CDH4: variants seen among roughly 807,000 people sequenced by gnomAD.
CDH4 encodes cadherin-4.
Under a neutral mutation model 86.0 loss-of-function variants are expected in CDH4, and 33 were observed. That is an observed-to-expected ratio of 0.38 (90% CI 0.29 to 0.51). CDH4 has a LOEUF of 0.51. Ranked by LOEUF, CDH4 falls within the 20% of genes least tolerant of loss-of-function variation. CDH4 has a pLI of 0.86. For synonymous variants in CDH4, 555 were observed against 549.4 expected, an observed-to-expected ratio of 1.01 and a Z score of -0.14; for missense variants, 1,114 against 1,307.4, an observed-to-expected ratio of 0.85 and a Z score of 2.28.
intron 2 of CDH4, among the ~76,000 whole-genome samples, chr20:61,272,840 G>A (rs2084190534): frequency 6.7e-6 from 1 of 149,894 alleles, no homozygotes; most frequent in South Asian, 2.1e-4. Flanking sequence ...CAGTTTGGGG[G>A]AGCACCATAC....
rs562395727 is a variant in CDH4, at chr20:61,517,414, C to T, written c.170-226149C>T. Among the ~76,000 whole-genome samples, 3 of 152,304 alleles carry T rather than the reference C, an allele frequency of 2.0e-5. No individual in the cohort carries two copies. The South Asian group carries it at 6.2e-4, about 32-fold the overall frequency. The stretch of plus-strand genomic sequence containing the variant: ...CTCGCCGTGTTTCCCAGGCTGGTCT[C>T]AAGTGCCTGGCCTCAAGCAATCCTC... On this transcript the variant is annotated intron_variant, in intron 2 of 15. Coordinates refer to ENST00000614565, the MANE Select transcript of CDH4 (RefSeq NM_001794.5). The surrounding 1 kb of genome is among the most constrained non-coding windows in gnomAD (Gnocchi z 6.6).
At chr20:61,753,801 C>G (rs1275090514) in intron 3 of CDH4, among the ~76,000 whole-genome samples, 1 of 152,224 alleles carries the variant, frequency 6.6e-6, no homozygotes, top group Non-Finnish European at 1.5e-5. Context: ...CGGGTCCAGG[C>G]GCTGACCTGT....
intron 2 of CDH4, among the ~76,000 whole-genome samples, chr20:61,310,633 C>T (rs1360494064): frequency 1.3e-5 from 2 of 152,172 alleles, no homozygotes; most frequent in African/African-American, 4.8e-5. Flanking sequence ...CATGCACTGC[C>T]ATGGGTCTGC....
At chr20:61,415,171 C>T (rs902252449) in intron 2 of CDH4, among the ~76,000 whole-genome samples, 10 of 152,172 alleles carry the variant, frequency 6.6e-5, no homozygotes, top group Non-Finnish European at 1.0e-4. Context: ...CTTTGGGAGA[C>T]GTTGGGGACT....
chr20:61,368,208 A>C (rs888799178), intron 2 of CDH4, among the ~76,000 whole-genome samples: 1 of 152,134 alleles, frequency 6.6e-6, no homozygotes, highest in African/African-American at 2.4e-5. Flanking sequence ...AAAAATAAAT[A>C]GTAACTTCCC....
intron 2 of CDH4, among the ~76,000 whole-genome samples, chr20:61,296,943 C>G (rs1451224676): frequency 1.3e-5 from 2 of 152,174 alleles, no homozygotes; most frequent in Non-Finnish European, 2.9e-5. Flanking sequence ...CAGCTGACTT[C>G]CTGGAGCTGC....
At chr20:61,300,107 C>T (rs941169557) in intron 2 of CDH4, among the ~76,000 whole-genome samples, 1 of 152,114 alleles carries the variant, frequency 6.6e-6, no homozygotes, top group African/African-American at 2.4e-5. Flanking sequence ...AAAACAGAGA[C>T]GTCCAGCCTG....
chr20:61,868,973 G>A (rs932693229), intron 6 of CDH4, among the ~76,000 whole-genome samples: 3 of 152,038 alleles, frequency 2.0e-5, no homozygotes, highest in Admixed American at 6.5e-5. Flanking sequence ...CGTGGCAAAC[G>A]TGGCAGGCTG....
chr20:61,325,288 G>A (rs1039278766), intron 2 of CDH4, among the ~76,000 whole-genome samples: 2 of 152,070 alleles, frequency 1.3e-5, no homozygotes, highest in African/African-American at 4.8e-5. Flanking sequence ...GAGGTTCAGA[G>A]GAAGCTGGCA....
intron 4 of CDH4, among the ~76,000 whole-genome samples, chr20:61,841,816 C>A (rs16985651): frequency 0.032 from 4,847 of 152,264 alleles, 220 homozygotes; most frequent in East Asian, 0.099. Context: ...CTGGCGATGT[C>A]TCCTAGCACG....
At chr20:61,883,019 C>T (rs975081676) in intron 7 of CDH4, among the ~76,000 whole-genome samples, 9 of 152,192 alleles carry the variant, frequency 5.9e-5, no homozygotes, top group African/African-American at 2.2e-4. Context: ...CCAATCTGAG[C>T]TCTTGTCTTT....
intron 2 of CDH4, among the ~76,000 whole-genome samples, chr20:61,430,304 G>T (rs926237697): frequency 6.6e-6 from 1 of 152,182 alleles, no homozygotes; most frequent in African/African-American, 2.4e-5. Context: ...CAGAGAAGGG[G>T]GCGATATGTT....
intron 2 of CDH4, among the ~76,000 whole-genome samples, chr20:61,612,781 A>G (rs182011686): frequency 2.4e-4 from 37 of 152,210 alleles, no homozygotes; most frequent in East Asian, 1.2e-3. Context: ...ACGGTTTTGC[A>G]TGCTGCATTT....
intron 2 of CDH4, among the ~76,000 whole-genome samples, chr20:61,362,549 G>T (rs2084789771): frequency 6.6e-6 from 1 of 151,906 alleles, no homozygotes; most frequent in Non-Finnish European, 1.5e-5. Flanking sequence ...GGAGAGCGGA[G>T]ACATGGCCTA....
rs540657517 is a variant in CDH4, at chr20:61,545,078, C to T, written c.170-198485C>T. ...CGCCCTCGCTTCTGTGGGTCTGACGCGGAGACAGTGTCTCCAGGGTGCTTT... is the reference window on the plus strand; with the variant it reads ...CGCCCTCGCTTCTGTGGGTCTGACGTGGAGACAGTGTCTCCAGGGTGCTTT... On this transcript the variant is annotated intron_variant, in intron 2 of 15. Transcript: ENST00000614565. 8.1e-4 allele frequency among the ~76,000 whole-genome samples: 124 copies of T among 152,274 alleles called. 1 individual carries two copies. The highest frequency in any genetic ancestry group is 1.2e-3 in the Non-Finnish European group (83 of 68,024).
chr20:61,505,253 A>G (rs1223540656), intron 2 of CDH4, among the ~76,000 whole-genome samples: 4 of 152,308 alleles, frequency 2.6e-5, no homozygotes, highest in Admixed American at 6.5e-5. Context: ...CAGCACCGTC[A>G]TCAGCCTGGC....
intron 4 of CDH4, among the ~76,000 whole-genome samples, chr20:61,780,059 G>A (rs770269428): frequency 6.6e-6 from 1 of 152,232 alleles, no homozygotes; most frequent in African/African-American, 2.4e-5. Context: ...CCTTTCCAAA[G>A]CACGGATGTG....
Position 61,559,519 on chromosome 20 carries a change from C to CTTTTTTTTTTTTTTT in CDH4, c.170-184039_170-184025dup, listed in dbSNP as rs1156864328. Reference sequence around the variant, plus strand: ...TCTCCTTTCTTTTTAATTTTTTTTTCTTTTTTTTTTTTTTTTTTTGACACA... The same window carrying CTTTTTTTTTTTTTTT: ...TCTCCTTTCTTTTTAATTTTTTTTTCTTTTTTTTTTTTTTTTTTTTTTTTTTTTTTTTTTGACACA... On this transcript the variant is annotated intron_variant, in intron 2 of 15. Coordinates refer to ENST00000614565, the MANE Select transcript of CDH4 (RefSeq NM_001794.5). Among the ~76,000 whole-genome samples the CTTTTTTTTTTTTTTT allele has an allele frequency of 2.7e-4, 28 of 105,174 alleles. 1 individual carries two copies. The highest frequency in any genetic ancestry group is 3.4e-4 in the African/African-American group (8 of 23,706). 69.0% of individuals were successfully genotyped at this position (105,174 alleles called of 152,430 possible). A position where few individuals can be genotyped will look rare whatever the true frequency, so the allele number is the denominator to read the frequency against.
At chr20:61,816,785 C>T (rs1434094807) in intron 4 of CDH4, among the ~76,000 whole-genome samples, 4 of 152,178 alleles carry the variant, frequency 2.6e-5, no homozygotes. Context: ...CCGCTGCTGA[C>T]ACAGAGCTGG....
Sources: allele counts gnomAD v4.1 joint callset (sites outside exome capture counted in the v4.1 genomes callset), GRCh38; gene constraint gnomAD v4.1.1; non-coding constraint Gnocchi (gnomAD v3.1); transcripts MANE v1.5; gene names NCBI Gene and HGNC (gene_info 2026-07-23, HGNC 2026-07-21).